The following PDHX variants were observed in gnomAD, a reference collection of about 807,000 sequenced individuals.
PDHX encodes pyruvate dehydrogenase protein X component, mitochondrial.
In PDHX, 33 loss-of-function variants were observed where a neutral mutation model predicts 55.3. That is an observed-to-expected ratio of 0.60 (90% CI 0.45 to 0.80). The LOEUF (loss-of-function observed/expected upper bound fraction) is 0.80. PDHX is among the 30% of genes least tolerant of loss of function. PDHX has a pLI of 0.00. For synonymous variants in PDHX, 226 were observed against 219.4 expected (o/e 1.03, Z -0.27); for missense variants, 622 against 619.9 (o/e 1.00, Z -0.04).
intron 2 of PDHX, among the ~76,000 whole-genome samples, chr11:34,936,422 G>A (rs934409256): frequency 1.3e-5 from 2 of 152,174 alleles, no homozygotes; most frequent in African/African-American, 4.8e-5. Flanking sequence ...TAAAGGTAAT[G>A]GCAGAGGGGA....
chr11:34,934,902 T>G (rs1854272635), intron 2 of PDHX, among the ~76,000 whole-genome samples: 1 of 148,464 alleles, frequency 6.7e-6, no homozygotes, highest in Non-Finnish European at 1.5e-5. Flanking sequence ...TTTTAAAGGT[T>G]TAATAATATT....
chr11:34,961,343 T>G (rs1446552335), intron 5 of PDHX, among the ~76,000 whole-genome samples: 3 of 152,198 alleles, frequency 2.0e-5, no homozygotes, highest in Non-Finnish European at 4.4e-5. Flanking sequence ...TGAAACTTAG[T>G]CTAGTAGGGT....
intron 10 of PDHX, among the ~76,000 whole-genome samples, chr11:34,992,655 C>A (rs941146181): frequency 6.6e-6 from 1 of 152,054 alleles, no homozygotes; most frequent in Non-Finnish European, 1.5e-5. Flanking sequence ...GACCCACCCC[C>A]AATATTAATG....
intron 1 of PDHX, among the ~76,000 whole-genome samples, chr11:34,928,018 T>G (rs576796283): frequency 1.3e-5 from 2 of 152,262 alleles, no homozygotes; most frequent in Admixed American, 6.5e-5. Flanking sequence ...TGTGGTAACT[T>G]GAAAGATAAT....
intron 4 of PDHX, among the ~76,000 whole-genome samples, chr11:34,958,005 C>T (rs1001595042): frequency 1.3e-5 from 2 of 152,112 alleles, no homozygotes; most frequent in Non-Finnish European, 2.9e-5. Context: ...AACATGCATT[C>T]GTTTTCAAAC....
At chr11:34,916,317 C>T (rs1047160307), upstream of PDHX, 7 of 1,608,554 alleles carry the variant, frequency 4.4e-6, no homozygotes, top group African/African-American at 1.3e-5. Flanking sequence ...GGCCTCCAAT[C>T]TCCGCACGGC....
intron 2 of PDHX, among the ~76,000 whole-genome samples, chr11:34,943,726 G>C (rs891086926): frequency 1.3e-5 from 2 of 152,094 alleles, no homozygotes; most frequent in Non-Finnish European, 2.9e-5. Flanking sequence ...GAAGTTTCCT[G>C]TTCTCTCTGC....
chr11:34,974,134 T>G (rs1252216500), intron 7 of PDHX, among the ~76,000 whole-genome samples: 1 of 152,236 alleles, frequency 6.6e-6, no homozygotes, highest in Non-Finnish European at 1.5e-5. Flanking sequence ...CAGAACGTTT[T>G]TCATCCTGCA....
chr11:34,917,655 G>A (rs573145642), intron 1 of PDHX, among the ~76,000 whole-genome samples: 37 of 151,854 alleles, frequency 2.4e-4, no homozygotes, highest in Non-Finnish European at 4.1e-4. Flanking sequence ...TCTAGTAGAC[G>A]TTGCCTTCAT....
intron 2 of PDHX, 55 bp downstream of exon 2, chr11:34,931,539 TTG>T (rs2133946728): frequency 6.8e-5 from 62 of 913,588 alleles, no homozygotes; most frequent in Middle Eastern, 2.2e-4. Context: ...TTATTTTGTT[TTG>T]TTTTTTTTTT....
At chr11:34,929,529 A>T (rs1226681296) in intron 1 of PDHX, among the ~76,000 whole-genome samples, 1 of 152,216 alleles carries the variant, frequency 6.6e-6, no homozygotes, top group Non-Finnish European at 1.5e-5. Flanking sequence ...GGTGGGGAAA[A>T]GGCTTATAAG....
chr11:34,984,607 G>C lies in PDHX; in HGVS notation c.1061G>C (p.Gly354Ala). Residue 354 changes from glycine to alanine, a missense_variant, in exon 9 of 11, where the codon GGC becomes GCC. By Grantham distance (60) the Gly-to-Ala change is moderately conservative. Transcript: ENST00000227868. ...PDVNVSWDGE[G>A]PKQLPFIDIS... Reference sequence around the variant, plus strand: ...GTTAATGTAAGCTGGGATGGAGAGGGCCCAAAGCAACTGCCATTTATTGAC... The same window carrying C: ...GTTAATGTAAGCTGGGATGGAGAGGCCCCAAAGCAACTGCCATTTATTGAC... 6.2e-7 allele frequency: 1 copy of C among 1,613,924 alleles called. No individual in the cohort carries two copies. Among genetic ancestry groups the C allele is most frequent in the African/African-American group, 1.3e-5 (1 of 75,012 alleles).
rs72914737 is a variant in PDHX, at chr11:34,963,849, A to G, written c.642-2791A>G. 1.2e-3 allele frequency among the ~76,000 whole-genome samples: 182 copies of G among 152,366 alleles called. 1 individual carries two copies. Among genetic ancestry groups the G allele is most frequent in the South Asian group, 1.4e-3 (7 of 4,830 alleles). On this transcript the variant is annotated intron_variant, in intron 5 of 10. Coordinates refer to ENST00000227868, the MANE Select transcript of PDHX (RefSeq NM_003477.3). ...TCGAGGCCACAATTAGAAGCAGAAC[A>G]CATTTAGTTTCTTTGCCTGCAGCCC...
chr11:34,927,226 A>G (rs112844002), intron 1 of PDHX, among the ~76,000 whole-genome samples: 3 of 151,846 alleles, frequency 2.0e-5, no homozygotes, highest in African/African-American at 7.3e-5. Context: ...TGACTACAAA[A>G]CGTTAAATTT....
intron 8 of PDHX, among the ~76,000 whole-genome samples, chr11:34,979,128 G>A (rs1447706878): frequency 6.6e-6 from 1 of 152,142 alleles, no homozygotes; most frequent in Non-Finnish European, 1.5e-5. Context: ...ATTGGATATG[G>A]GGTGTGAGAA....
At chr11:34,947,327 G>A (rs1410032266) in intron 2 of PDHX, among the ~76,000 whole-genome samples, 179 bp from the exon 3 acceptor site, 2 of 151,908 alleles carry the variant, frequency 1.3e-5, no homozygotes, top group Non-Finnish European at 2.9e-5. Flanking sequence ...TTACAGCAAA[G>A]CATACACATA....
chr11:34,922,656 T>C (rs1853913706), intron 1 of PDHX, among the ~76,000 whole-genome samples: 1 of 152,194 alleles, frequency 6.6e-6, no homozygotes, highest in Admixed American at 6.5e-5. Context: ...AGCATTTCTG[T>C]GACAGCCTAT....
At position 34,995,191 on chromosome 11, in the gene PDHX, T is replaced by C; in HGVS notation, c.*19T>C. On this transcript the variant is annotated 3_prime_UTR_variant, in exon 11 of 11. Transcript: ENST00000227868. ...TGCCTAGTCCTCAAAGATAAGAAGT[T>C]GGTGTTCAGCTTAGTTGATTCAGTA... The C allele has an allele frequency of 6.2e-7, 1 of 1,613,200 alleles. No homozygotes were observed. Among genetic ancestry groups the C allele is most frequent in the Non-Finnish European group, 8.5e-7 (1 of 1,179,604 alleles).
intron 6 of PDHX, among the ~76,000 whole-genome samples, chr11:34,968,293 G>A (rs1038258392): frequency 2.6e-5 from 4 of 151,696 alleles, no homozygotes; most frequent in Admixed American, 6.6e-5. Flanking sequence ...TCAAATTAAG[G>A]AGGTAAACCT....
Sources: allele counts gnomAD v4.1 joint callset (sites outside exome capture counted in the v4.1 genomes callset), GRCh38; gene constraint gnomAD v4.1.1; transcripts MANE v1.5; gene names NCBI Gene and HGNC (gene_info 2026-07-23, HGNC 2026-07-21).